Variants in NARF observed in about 807,000 individuals in gnomAD.
NARF encodes the protein nuclear prelamin A recognition factor, also known as iron-only hydrogenase-like protein 2.
Under a neutral mutation model 48.0 loss-of-function variants are expected in NARF, and 41 were observed. The ratio of observed to expected loss-of-function variants is 0.85; its 90% CI spans 0.66 to 1.11. The LOEUF (loss-of-function observed/expected upper bound fraction) is 1.11, where lower values mean the gene tolerates loss of function less well. Among genes scored for constraint, NARF ranks in the 50% least tolerant of loss-of-function variants. The pLI is 0.00. For synonymous variants in NARF, 215 were observed against 225.5 expected (o/e 0.95, Z 0.42); for missense variants, 613 against 590.2 (o/e 1.04, Z -0.40).
chr17:82,466,995 C>CT lies in NARF; in HGVS notation c.253-1755dup, dbSNP rs762291462. On this transcript the variant is annotated intron_variant, in intron 3 of 10. Transcript: ENST00000309794. ...GGCATAAGCCACCGTACCTGGCCTT[C>CT]TTTTTTTTTTTTTTCCCCATTACTT... 2.3e-3 allele frequency among the ~76,000 whole-genome samples: 310 copies of CT among 134,566 alleles called. 2 individuals are homozygous for CT. The highest frequency in any genetic ancestry group is 0.012 in the South Asian group (49 of 4,068). 88.3% of individuals were successfully genotyped at this position (134,566 alleles called of 152,430 possible).
Position 82,478,880 on chromosome 17 carries a change from A to G in NARF, c.601A>G (p.Met201Val), listed in dbSNP as rs1246616801. The change falls in exon 6 of 11, where the codon ATG becomes GTG. Residue 201 changes from methionine to valine, a missense_variant. Met to Val is a conservative substitution (Grantham distance 21, BLOSUM62 1). Transcript: ENST00000309794. ...CACCGCCAAGTCCCCCCAGCAGGTC[A>G]TGGGCTCTTTGGTGAAGGATTATTT... ...LCTAKSPQQV[M>V]GSLVKDYFAR... 4 of 1,614,000 alleles carry G rather than the reference A, an allele frequency of 2.5e-6. No individual in the cohort carries two copies. Among genetic ancestry groups the G allele is most frequent in the South Asian group, 1.1e-5 (1 of 91,082 alleles).
At chr17:82,478,664 C>A in intron 5 of NARF, 136 bp from the exon 6 acceptor site, 1 of 912,074 alleles carries the variant, frequency 1.1e-6, no homozygotes, top group Non-Finnish European at 1.8e-6. Context: ...AGCACGAGCT[C>A]CTGGTAAGGC....
chr17:82,486,606 G>A (rs914139915), intron 10 of NARF, among the ~76,000 whole-genome samples: 2 of 152,188 alleles, frequency 1.3e-5, no homozygotes, highest in Non-Finnish European at 1.5e-5. Flanking sequence ...CCAGGGGCAC[G>A]GAAGGGTCAG....
intron 3 of NARF, among the ~76,000 whole-genome samples, chr17:82,467,448 C>T (rs1207394415): frequency 6.6e-6 from 1 of 152,092 alleles, no homozygotes. Context: ...ATGAGGCTTA[C>T]TCACAAAACA....
intron 2 of NARF, among the ~76,000 whole-genome samples, chr17:82,461,881 TGGGGCTTAG>T (rs1443298501): frequency 6.6e-6 from 1 of 152,184 alleles, no homozygotes; most frequent in African/African-American, 2.4e-5. Context: ...GTGGGGACTG[TGGGGCTTAG>T]GGAGCAACAG....
At chr17:82,468,918 T>G (rs770247211) in intron 4 of NARF, 22 bp downstream of exon 4, 2 of 1,612,398 alleles carry the variant, frequency 1.2e-6, no homozygotes, top group Non-Finnish European at 1.7e-6. Flanking sequence ...TTTGATAAAT[T>G]GGGAATGTAT....
chr17:82,483,952 G>A, intron 8 of NARF, 173 bp downstream of exon 8: 1 of 586,680 alleles, frequency 1.7e-6, no homozygotes, highest in Non-Finnish European at 3.0e-6. Context: ...CTGTTGAATG[G>A]GATACCATTC....
chr17:82,478,559 T>G lies in NARF; in HGVS notation c.521-241T>G, dbSNP rs1317557077. On this transcript the variant is annotated intron_variant, in intron 5 of 10. Coordinates refer to ENST00000309794, the MANE Select transcript of NARF (RefSeq NM_012336.4). ...TGTTACTCCGACTCTTACTTGTCTG[T>G]CGGCCTTGCAGGGATGCTCCCATTT... 5.0e-6 allele frequency: 3 copies of G among 602,036 alleles called. No individual in the cohort carries two copies. The African/African-American group carries it at 5.5e-5, about 11-fold the overall frequency. 37.3% of individuals were successfully genotyped at this position (602,036 alleles called of 1,614,324 possible).
chr17:82,468,592 A>G (rs2043625017), intron 3 of NARF, 172 bp from the exon 4 acceptor site: 2 of 644,710 alleles, frequency 3.1e-6, no homozygotes. Context: ...ACCTCACCAT[A>G]ATCCTGATTT....
At chr17:82,458,424 C>G (rs1239495343), upstream of NARF, 2 of 212,220 alleles carry the variant, frequency 9.4e-6, no homozygotes, top group African/African-American at 4.6e-5. Context: ...CACCGACTCC[C>G]TGGTGAACGC....
In NARF at chr17:82,464,413, G is replaced by A. The variant is rs746465746; in HGVS notation, c.235G>A (p.Val79Ile). The change falls in exon 3 of 11, where the codon GTT (valine) becomes ATT (isoleucine). Residue 79 changes from valine (V) to isoleucine (I), a missense_variant. By Grantham distance (29) the Val-to-Ile change is conservative. Transcript: ENST00000309794. ...GCAAAATGCCAAGGACTTCTTCCGCGTTCTGAACCTTAACAAGGTAAGGCA... is the reference window on the plus strand; with the variant it reads ...GCAAAATGCCAAGGACTTCTTCCGCATTCTGAACCTTAACAAGGTAAGGCA... Reference protein sequence around the residue: ...SQQNAKDFFRVLNLNKKCDTS... With the variant: ...SQQNAKDFFRILNLNKKCDTS... 38 of 1,613,310 alleles carry A rather than the reference G, an allele frequency of 2.4e-5. No homozygotes were observed. Among genetic ancestry groups the A allele is most frequent in the Admixed American group, 8.4e-5 (5 of 59,848 alleles).
chr17:82,481,046 TCAC>T, intron 6 of NARF, 33 bp from the exon 7 acceptor site: 6 of 1,612,976 alleles, frequency 3.7e-6, no homozygotes, highest in Non-Finnish European at 5.1e-6. Context: ...CGTCACCTCT[TCAC>T]CAGCCCTAAA....
intron 4 of NARF, among the ~76,000 whole-genome samples, chr17:82,469,432 A>G (rs1433843129): frequency 6.6e-6 from 1 of 152,182 alleles, no homozygotes; most frequent in Non-Finnish European, 1.5e-5. Context: ...ATGTTGATGG[A>G]TGATGCTTCT....
intron 5 of NARF, among the ~76,000 whole-genome samples, chr17:82,476,393 C>A (rs1158814178): frequency 1.3e-5 from 2 of 152,150 alleles, no homozygotes; most frequent in African/African-American, 4.8e-5. Context: ...CCGCCTGCCT[C>A]GGCCTCCCAA....
intron 3 of NARF, among the ~76,000 whole-genome samples, chr17:82,467,191 T>G (rs989982268): frequency 1.3e-5 from 2 of 151,558 alleles, no homozygotes; most frequent in Non-Finnish European, 2.9e-5. Context: ...GGATTACAGG[T>G]GCACACCACC....
intron 8 of NARF, 118 bp from the exon 9 acceptor site, chr17:82,484,695 G>T: frequency 7.6e-7 from 1 of 1,311,158 alleles, no homozygotes. Flanking sequence ...ATCTGTACAG[G>T]ATTTAGCTTC....
At chr17:82,472,928 A>T (rs4789778) in intron 5 of NARF, among the ~76,000 whole-genome samples, 68,631 of 151,186 alleles carry the variant, frequency 0.45, 16,898 homozygotes, top group East Asian at 0.9. Context: ...TTATTTATTT[A>T]ATTTTATTTT....
chr17:82,480,971 G>T, intron 6 of NARF, 111 bp from the exon 7 acceptor site: 1 of 1,372,374 alleles, frequency 7.3e-7, no homozygotes, highest in Non-Finnish European at 1.0e-6. Context: ...GCAGTGTCTG[G>T]AGGGCAGCAG....
intron 3 of NARF, among the ~76,000 whole-genome samples, chr17:82,467,474 CTT>C (rs934559901): frequency 1.3e-5 from 2 of 151,098 alleles, no homozygotes; most frequent in Admixed American, 1.3e-4. Context: ...GGCCTGGTAA[CTT>C]TTTTTTTATT....
Sources: gnomAD v4.1 joint callset for allele counts (sites outside exome capture counted in the v4.1 genomes callset) on GRCh38, gnomAD v4.1.1 for gene constraint, MANE v1.5 for transcripts, NCBI Gene and HGNC (gene_info 2026-07-23, HGNC 2026-07-21) for gene names.